The following KCNQ1 variants were observed in gnomAD, a reference collection of about 807,000 sequenced individuals.
KCNQ1 encodes potassium voltage-gated channel subfamily KQT member 1.
KCNQ1 carries 49 observed loss-of-function variants against 72.4 expected under a neutral mutation model. The observed-to-expected ratio is 0.68, with a 90% confidence interval of 0.54 to 0.86. KCNQ1 has a LOEUF of 0.86. KCNQ1 is among the 40% of genes least tolerant of loss of function. The probability of loss-of-function intolerance (pLI) is 0.00; values close to 1 mark genes in which losing one functional copy is unlikely to be tolerated. For missense variants in KCNQ1, 790 were observed against 945.1 expected (o/e 0.84, Z 2.15); for synonymous variants, 450 against 412.6 (o/e 1.09, Z -1.10).
chr11:2,583,344 C>T (rs921646482), intron 6 of KCNQ1, 91 bp from the exon 7 acceptor site: 18 of 890,660 alleles, frequency 2.0e-5, no homozygotes, highest in Admixed American at 8.5e-5. Context: ...CCGGCCTCTC[C>T]GCTCATCAGA....
chr11:2,823,376 T>C (rs1040053987), intron 15 of KCNQ1, among the ~76,000 whole-genome samples: 1 of 152,222 alleles, frequency 6.6e-6, no homozygotes, highest in Non-Finnish European at 1.5e-5. Flanking sequence ...CAAGAACTTA[T>C]AAAATTTTTC....
At chr11:2,630,731 G>A (rs1002099653) in intron 10 of KCNQ1, 1 of 398,360 alleles carries the variant, frequency 2.5e-6, no homozygotes, top group Non-Finnish European at 4.4e-6. Flanking sequence ...ATTTAAGCCT[G>A]AATAACTCCC....
At chr11:2,832,906 C>G (rs755302946) in intron 15 of KCNQ1, among the ~76,000 whole-genome samples, 1 of 152,138 alleles carries the variant, frequency 6.6e-6, no homozygotes, top group Non-Finnish European at 1.5e-5. Flanking sequence ...ATGCCCAGCT[C>G]AGGGGGCTTC....
rs1267456013 is a variant in KCNQ1 at position 2,699,643 on chromosome 11, C to CCGCGCCAAAGAACCCCCGGGGAG, written c.1514+37562_1514+37563insCGCGCCAAAGAACCCCCGGGGAG. ...AACCGCGCCGAAGAACCCCCGGGGA[C>CCGCGCCAAAGAACCCCCGGGGAG]AACCGCGCCGAAGAACCCCCGGGGA... On this transcript the variant is annotated intron_variant, in intron 11 of 15. Coordinates refer to ENST00000155840, the MANE Select transcript of KCNQ1 (RefSeq NM_000218.3). The CCGCGCCAAAGAACCCCCGGGGAG allele has an allele frequency of 1.0e-4, 38 of 364,696 alleles. 2 individuals are homozygous for CCGCGCCAAAGAACCCCCGGGGAG. The Admixed American group carries it at 1.8e-3, about 18-fold the overall frequency. The allele number at this position is 364,696 out of a possible 1,614,324, so 22.6% of individuals were successfully genotyped here.
At position 2,626,708 on chromosome 11, in the gene KCNQ1, T is replaced by C. The variant is rs964676067; in HGVS notation, c.1394-35253T>C. 1 of 398,496 alleles carries C rather than the reference T, an allele frequency of 2.5e-6. No homozygotes were observed. Among genetic ancestry groups the C allele is most frequent in the Admixed American group, 4.4e-5 (1 of 22,722 alleles). 24.7% of individuals were successfully genotyped at this position (398,496 alleles called of 1,614,324 possible). On this transcript the variant is annotated intron_variant, in intron 10 of 15. Transcript: ENST00000155840. This position sits in a 1 kb window ranked among gnomAD's most constrained non-coding sequence, Gnocchi z 4.0. ...TACACCTGGCCAATTATTTTATTTT[T>C]TGTAGAGATGAGGTCTCCCTGTGTT...
intron 1 of KCNQ1, among the ~76,000 whole-genome samples, chr11:2,525,840 G>A (rs562861174): frequency 9.8e-5 from 15 of 152,308 alleles, no homozygotes; most frequent in African/African-American, 2.4e-4. Context: ...GAAGTCCCAC[G>A]GGGCTGATCA....
intron 1 of KCNQ1, among the ~76,000 whole-genome samples, chr11:2,517,619 C>G (rs1260161074): frequency 1.3e-5 from 2 of 152,202 alleles, no homozygotes; most frequent in African/African-American, 2.4e-5. Context: ...TTCCCCCTGG[C>G]AGGATCCCCA....
At chr11:2,575,428 G>C (rs927677649) in intron 6 of KCNQ1, among the ~76,000 whole-genome samples, 2 of 152,206 alleles carry the variant, frequency 1.3e-5, no homozygotes, top group African/African-American at 4.8e-5. Flanking sequence ...GCAGCTGTCT[G>C]GGGGGAGCGG....
chr11:2,607,048 G>A (rs975839596), intron 10 of KCNQ1, among the ~76,000 whole-genome samples: 2 of 151,744 alleles, frequency 1.3e-5, no homozygotes, highest in African/African-American at 2.4e-5. Flanking sequence ...GACTACAGGC[G>A]CATGCTGCCA....
intron 11 of KCNQ1, among the ~76,000 whole-genome samples, chr11:2,726,089 G>C (rs931982962): frequency 6.6e-6 from 1 of 152,222 alleles, no homozygotes; most frequent in Non-Finnish European, 1.5e-5. Context: ...CCACCTCTGC[G>C]TGGGTGAAGG....
rs145248774 is a variant in KCNQ1, at chr11:2,451,690, G to A, written c.386+6206G>A. Among the ~76,000 whole-genome samples, 4 of 152,324 alleles carry A rather than the reference G, an allele frequency of 2.6e-5. No homozygotes were observed. Among genetic ancestry groups the A allele is most frequent in the Non-Finnish European group, 5.9e-5 (4 of 68,018 alleles). On this transcript the variant is annotated intron_variant, in intron 1 of 15. Coordinates refer to ENST00000155840, the MANE Select transcript of KCNQ1 (RefSeq NM_000218.3). The surrounding 1 kb of genome is among the most constrained non-coding windows in gnomAD (Gnocchi z 6.4). ...AGGAACTTCTCCTGATGGAAGAGCCGGGCTGGGGAGCTGACTCCAGGACAG... is the reference window on the plus strand; with the variant it reads ...AGGAACTTCTCCTGATGGAAGAGCCAGGCTGGGGAGCTGACTCCAGGACAG...
rs1364713845 is a variant in KCNQ1, at chr11:2,653,528, C to T, written c.1394-8433C>T. The T allele has an allele frequency of 2.5e-5, 10 of 398,704 alleles. No individual in the cohort carries two copies. The highest frequency in any genetic ancestry group is 8.8e-5 in the Admixed American group (2 of 22,718). 24.7% of individuals were successfully genotyped at this position (398,704 alleles called of 1,614,324 possible). A position where few individuals can be genotyped will look rare whatever the true frequency, so the allele number is the denominator to read the frequency against. On this transcript the variant is annotated intron_variant, in intron 10 of 15. Transcript: ENST00000155840. This position sits in a 1 kb window ranked among gnomAD's most constrained non-coding sequence, Gnocchi z 5.3. ...AGATGATCTTGCTCACTTGCTCTCA[C>T]TCTCCCCTCTTGCACTCCCCTTCTC...
At chr11:2,644,089 A>G (rs959692627) in intron 10 of KCNQ1, 22 of 398,370 alleles carry the variant, frequency 5.5e-5, no homozygotes, top group Admixed American at 8.8e-5. Flanking sequence ...ACCTTTCTGA[A>G]TTGTATCTAT....
intron 2 of KCNQ1, among the ~76,000 whole-genome samples, chr11:2,542,234 A>G (rs1241520164): frequency 6.6e-6 from 1 of 152,242 alleles, no homozygotes; most frequent in Non-Finnish European, 1.5e-5. Flanking sequence ...GACATTGGGC[A>G]TGAAGGTTCT....
rs962544046 is a variant in KCNQ1, at chr11:2,446,162, C to G, written c.386+678C>G. 1.3e-5 allele frequency among the ~76,000 whole-genome samples: 2 copies of G among 152,244 alleles called. No homozygotes were observed. Among genetic ancestry groups the G allele is most frequent in the East Asian group, 1.9e-4 (1 of 5,200 alleles). On this transcript the variant is annotated intron_variant, in intron 1 of 15. Transcript: ENST00000155840. The surrounding 1 kb of genome is among the most constrained non-coding windows in gnomAD (Gnocchi z 8.8). ...CGCTGGTAGCAGAGGCACCTGGCCC[C>G]CCTGTTACCAGGTGGTTCCAATTCC... is the stretch of plus-strand genomic sequence containing the variant.
At chr11:2,807,946 C>T (rs895799921) in intron 15 of KCNQ1, among the ~76,000 whole-genome samples, 1 of 152,208 alleles carries the variant, frequency 6.6e-6, no homozygotes, top group Non-Finnish European at 1.5e-5. Context: ...CTTGCACAGC[C>T]TCCTGGAGCC....
intron 14 of KCNQ1, among the ~76,000 whole-genome samples, chr11:2,777,406 C>T (rs903220495): frequency 1.3e-5 from 2 of 152,042 alleles, no homozygotes; most frequent in African/African-American, 2.4e-5. Context: ...GGGTGGGGGC[C>T]TTGCAGGGCT....
chr11:2,480,549 A>G (rs1218937378), intron 1 of KCNQ1, among the ~76,000 whole-genome samples: 3 of 152,244 alleles, frequency 2.0e-5, no homozygotes, highest in Admixed American at 6.5e-5. Context: ...CCATGGTTCA[A>G]TTATCTCCCA....
chr11:2,620,065 T>C lies in KCNQ1; in HGVS notation c.1393+31211T>C, dbSNP rs568052956. 5.0e-6 allele frequency: 2 copies of C among 398,364 alleles called. No individual in the cohort carries two copies. The highest frequency in any genetic ancestry group is 1.3e-4 in the South Asian group (1 of 7,840). The allele number at this position is 398,364 out of a possible 1,614,324, so 24.7% of individuals were successfully genotyped here. ...TGTCTACTGATCATCTTTATGTCCATGTTTACTCAGTGTTTAGGTCCCACT... is the reference window on the plus strand; with the variant it reads ...TGTCTACTGATCATCTTTATGTCCACGTTTACTCAGTGTTTAGGTCCCACT... On this transcript the variant is annotated intron_variant, in intron 10 of 15. Transcript: ENST00000155840. This position sits in a 1 kb window ranked among gnomAD's most constrained non-coding sequence, Gnocchi z 4.5.
Sources: allele counts gnomAD v4.1 joint callset (sites outside exome capture counted in the v4.1 genomes callset), GRCh38; gene constraint gnomAD v4.1.1; non-coding constraint Gnocchi (gnomAD v3.1); transcripts MANE v1.5; gene names NCBI Gene and HGNC (gene_info 2026-07-23, HGNC 2026-07-21).